Variants in IL16 observed in about 807,000 individuals in gnomAD.
The protein encoded by IL16 is pro-interleukin-16.
A neutral mutation model predicts 110.1 loss-of-function variants in IL16; 67 were observed. That is an observed-to-expected ratio of 0.61 (90% confidence interval 0.50 to 0.75). IL16 has a LOEUF of 0.75. IL16 is among the 30% of genes least tolerant of loss of function. IL16 has a pLI of 0.00. For missense variants in IL16, 1,545 were observed against 1,655.0 expected, an observed-to-expected ratio of 0.93 and a Z score of 1.15; for synonymous variants, 689 against 662.9, an observed-to-expected ratio of 1.04 and a Z score of -0.61.
At position 81,313,667 on chromosome 15, in the gene IL16, T is replaced by G; in HGVS notation, c.*4869T>G. ...CCCTACTCCCAGCCCAAAAACCCAGTACCCTGCTGCCCGATTCACTCAGCA... is the reference window on the plus strand; with the variant it reads ...CCCTACTCCCAGCCCAAAAACCCAGGACCCTGCTGCCCGATTCACTCAGCA... On this transcript the variant is annotated 3_prime_UTR_variant, in exon 19 of 19. Transcript: ENST00000683961. 3.6e-6 allele frequency: 1 copy of G among 275,504 alleles called. No individual in the cohort carries two copies. The highest frequency in any genetic ancestry group is 6.8e-6 in the Non-Finnish European group (1 of 147,930). The allele number at this position is 275,504 out of a possible 1,614,324, so 17.1% of individuals were successfully genotyped here.
intron 1 of IL16, among the ~76,000 whole-genome samples, chr15:81,183,216 T>C (rs913394830): frequency 6.6e-6 from 1 of 152,156 alleles, no homozygotes; most frequent in African/African-American, 2.4e-5. Context: ...GGGCAATGGT[T>C]TTCCATGTGC....
intron 1 of IL16, among the ~76,000 whole-genome samples, chr15:81,222,376 T>G (rs1322000406): frequency 1.2e-3 from 97 of 83,508 alleles, no homozygotes; most frequent in African/African-American, 4.3e-3. Flanking sequence ...CCAGGAGGGT[T>G]TTTTTTTTTT....
At chr15:81,240,760 T>C (rs181796243) in intron 2 of IL16, among the ~76,000 whole-genome samples, 95 of 152,196 alleles carry the variant, frequency 6.2e-4, no homozygotes, top group African/African-American at 2.3e-3. Flanking sequence ...TAATTTGTCA[T>C]TTTTACTCTT....
chr15:81,285,614 G>T, intron 9 of IL16, 84 bp from the exon 10 acceptor site: 6 of 1,434,572 alleles, frequency 4.2e-6, no homozygotes, highest in Non-Finnish European at 5.8e-6. Flanking sequence ...AAACAGCCCA[G>T]CCAGGAGTGG....
chr15:81,268,388 C>T (rs1898488020), intron 4 of IL16, among the ~76,000 whole-genome samples: 1 of 152,142 alleles, frequency 6.6e-6, no homozygotes, highest in Non-Finnish European at 1.5e-5. Flanking sequence ...TGTTAATATC[C>T]ACCTTTGACA....
intron 1 of IL16, among the ~76,000 whole-genome samples, chr15:81,185,857 T>G (rs1490985678): frequency 2.6e-5 from 4 of 152,152 alleles, no homozygotes; most frequent in African/African-American, 9.7e-5. Context: ...GAGAAGCAAA[T>G]GGGCGAATTG....
intron 1 of IL16, among the ~76,000 whole-genome samples, chr15:81,218,406 A>C (rs559899144): frequency 6.6e-6 from 1 of 152,316 alleles, no homozygotes; most frequent in Non-Finnish European, 1.5e-5. Flanking sequence ...CCTGGATGGG[A>C]AGACTTTCTC....
intron 6 of IL16, among the ~76,000 whole-genome samples, chr15:81,273,923 C>A (rs952668443): frequency 6.6e-6 from 1 of 151,774 alleles, no homozygotes; most frequent in Admixed American, 6.6e-5. Context: ...AGTCAGGGTT[C>A]CCCCCACCCC....
In IL16 at chr15:81,227,136, G is replaced by C. The variant is rs1896815503; in HGVS notation, c.312+1425G>C. The stretch of plus-strand genomic sequence containing the variant: ...AAAGGAAAAAGGCATCATGTCTCTG[G>C]GGATGCTGTCATTCCTTCCTTCATT... On this transcript the variant is annotated intron_variant, in intron 2 of 18. Coordinates refer to ENST00000683961, the MANE Select transcript of IL16 (RefSeq NM_172217.5). Among the ~76,000 whole-genome samples the C allele has an allele frequency of 3.3e-5, 5 of 152,064 alleles. No homozygotes were observed. In the South Asian group the frequency reaches 1.0e-3, roughly 32 times the overall value.
chr15:81,205,958 G>A lies in IL16; in HGVS notation c.-102+8806G>A, dbSNP rs573689712. Among the ~76,000 whole-genome samples the A allele has an allele frequency of 5.9e-5, 9 of 152,162 alleles. No individual in the cohort carries two copies. In the South Asian group the frequency reaches 1.5e-3, roughly 25 times the overall value. On this transcript the variant is annotated intron_variant, in intron 1 of 18. Transcript: ENST00000683961. ...AATGATAAAAAGAGCACTCAATGAAGGCATGAAAATCAGAAAACTTTGGGT... is the reference window on the plus strand; with the variant it reads ...AATGATAAAAAGAGCACTCAATGAAAGCATGAAAATCAGAAAACTTTGGGT...
intron 1 of IL16, among the ~76,000 whole-genome samples, chr15:81,214,412 T>C (rs1896352531): frequency 1.3e-5 from 2 of 152,212 alleles, no homozygotes; most frequent in Non-Finnish European, 2.9e-5. Context: ...AATTCTTGGT[T>C]GGAATTTCTT....
chr15:81,197,713 T>C (rs1385176836), intron 1 of IL16, among the ~76,000 whole-genome samples: 6 of 151,482 alleles, frequency 4.0e-5, no homozygotes, highest in African/African-American at 1.5e-4. Flanking sequence ...TTTTTTTGTT[T>C]TTGTTTTTTG....
At chr15:81,273,641 A>T (rs142116956) in intron 6 of IL16, among the ~76,000 whole-genome samples, 1 of 152,010 alleles carries the variant, frequency 6.6e-6, no homozygotes, top group Admixed American at 6.6e-5. Flanking sequence ...ACCAGGTTCA[A>T]TGCTTCCAAC....
intron 1 of IL16, among the ~76,000 whole-genome samples, chr15:81,217,962 T>C (rs1022430657): frequency 6.6e-6 from 1 of 152,172 alleles, no homozygotes; most frequent in African/African-American, 2.4e-5. Flanking sequence ...CATTAATGTC[T>C]GGAAAGAGAA....
At chr15:81,302,637 G>A (rs1900345333) in intron 15 of IL16, among the ~76,000 whole-genome samples, 1 of 152,168 alleles carries the variant, frequency 6.6e-6, no homozygotes, top group South Asian at 2.1e-4. Context: ...TGAATTCTTT[G>A]ACATAAGTTT....
chr15:81,190,030 T>C (rs1895474928), intron 1 of IL16, among the ~76,000 whole-genome samples: 1 of 152,154 alleles, frequency 6.6e-6, no homozygotes, highest in African/African-American at 2.4e-5. Flanking sequence ...CCTTGTCCTG[T>C]CTGAAGCCAC....
chr15:81,293,058 G>C, intron 12 of IL16, 21 bp downstream of exon 12: 1 of 1,581,052 alleles, frequency 6.3e-7, no homozygotes, highest in Non-Finnish European at 8.6e-7. Context: ...GGGTCCACAG[G>C]TTGAGTGTTT....
In IL16 at chr15:81,312,877, GACAGTC is replaced by G. The variant is rs1900937416; in HGVS notation, c.*4081_*4086del. Reference sequence around the variant, plus strand: ...TTCAGTGGCGATGATGATTCTCTATGACAGTCAGGGAAACGTGGTCTCTGAGAGTGA... The same window carrying G: ...TTCAGTGGCGATGATGATTCTCTATGAGGGAAACGTGGTCTCTGAGAGTGA... On this transcript the variant is annotated 3_prime_UTR_variant, in exon 19 of 19. Transcript: ENST00000683961. 6.4e-6 allele frequency: 1 copy of G among 156,400 alleles called. No homozygotes were observed. The highest frequency in any genetic ancestry group is 6.5e-5 in the Admixed American group (1 of 15,354). The allele number at this position is 156,400 out of a possible 1,614,324, so 9.7% of individuals were successfully genotyped here. A position where few individuals can be genotyped will look rare whatever the true frequency, so the allele number is the denominator to read the frequency against.
intron 10 of IL16, among the ~76,000 whole-genome samples, chr15:81,286,777 C>T (rs938208958): frequency 6.6e-6 from 1 of 152,086 alleles, no homozygotes; most frequent in African/African-American, 2.4e-5. Flanking sequence ...GTCTGTTCTC[C>T]CGCTGTTGAT....
Sources: gnomAD v4.1 joint callset for allele counts (sites outside exome capture counted in the v4.1 genomes callset) on GRCh38, gnomAD v4.1.1 for gene constraint, MANE v1.5 for transcripts, NCBI Gene and HGNC (gene_info 2026-07-23, HGNC 2026-07-21) for gene names.